Variants in EDAR observed in about 807,000 individuals in gnomAD.
EDAR encodes tumor necrosis factor receptor superfamily member EDAR.
A neutral mutation model predicts 51.3 loss-of-function variants in EDAR; 38 were observed. That is an observed-to-expected ratio of 0.74 (90% CI 0.57 to 0.97). EDAR has a LOEUF of 0.97. EDAR is among the 50% of genes least tolerant of loss of function. EDAR has a pLI of 0.00. For missense variants in EDAR, 528 were observed against 595.0 expected, an observed-to-expected ratio of 0.89 and a Z score of 1.17; for synonymous variants, 227 against 242.1, an observed-to-expected ratio of 0.94 and a Z score of 0.58.
chr2:108,973,281 C>CCTGGCCT lies in EDAR; in HGVS notation c.-19+15672_-19+15678dup, dbSNP rs370175082. ...GGGATTACAGGCATGAGCCACCGCA[C>CCTGGCCT]CTGGCCTCAGCATGTGTGTATAGTG... On this transcript the variant is annotated intron_variant, in intron 1 of 11. Coordinates refer to ENST00000258443, the MANE Select transcript of EDAR (RefSeq NM_022336.4). Among the ~76,000 whole-genome samples the CCTGGCCT allele has an allele frequency of 6.0e-3, 913 of 152,352 alleles. 6 individuals are homozygous for CCTGGCCT. Among genetic ancestry groups the CCTGGCCT allele is most frequent in the Non-Finnish European group, 0.01 (706 of 68,040 alleles).
intron 1 of EDAR, among the ~76,000 whole-genome samples, chr2:108,937,308 GTCCCTGCA>G (rs1697492272): frequency 6.6e-6 from 1 of 152,240 alleles, no homozygotes; most frequent in Non-Finnish European, 1.5e-5. Flanking sequence ...GGTGGGCTGT[GTCCCTGCA>G]TTCTCTCAGG....
In EDAR at chr2:108,910,510, C is replaced by G; in HGVS notation, c.753G>C (p.Glu251Asp). The change falls in exon 9 of 12, where the codon GAG (glutamate) becomes GAC (aspartate). Residue 251 changes from glutamate to aspartate, a missense_variant. Coordinates refer to ENST00000258443, the MANE Select transcript of EDAR (RefSeq NM_022336.4). ...EAPDNVVMFS[E>D]KDEFEKLTAT... The stretch of plus-strand genomic sequence containing the variant: ...CTGTCAGCTTCTCAAATTCATCCTT[C>G]TCGGAGAACATCACCACGTTGTCTG... The G allele has an allele frequency of 6.2e-7, 1 of 1,613,882 alleles. No homozygotes were observed. Among genetic ancestry groups the G allele is most frequent in the Non-Finnish European group, 8.5e-7 (1 of 1,179,888 alleles).
intron 1 of EDAR, among the ~76,000 whole-genome samples, chr2:108,938,666 A>T (rs1294327613): frequency 6.6e-6 from 1 of 152,210 alleles, no homozygotes; most frequent in African/African-American, 2.4e-5. Flanking sequence ...TGAAAAAAAA[A>T]ATCCCTACTT....
chr2:108,988,645 C>T (rs1411257438), intron 1 of EDAR, among the ~76,000 whole-genome samples: 5 of 152,258 alleles, frequency 3.3e-5, no homozygotes, highest in East Asian at 1.9e-4. Flanking sequence ...ATACTTTTCA[C>T]GCTCCCTGGA....
At chr2:108,987,593 T>C (rs1698518371) in intron 1 of EDAR, among the ~76,000 whole-genome samples, 1 of 152,204 alleles carries the variant, frequency 6.6e-6, no homozygotes, top group Admixed American at 6.5e-5. Flanking sequence ...GGAAAGTGTA[T>C]TTACTTTTTC....
At chr2:108,945,110 G>T (rs148887454) in intron 1 of EDAR, among the ~76,000 whole-genome samples, 4 of 152,138 alleles carry the variant, frequency 2.6e-5, no homozygotes, top group Non-Finnish European at 5.9e-5. Context: ...GTATGTGGGC[G>T]CTGCCTGTCC....
chr2:108,968,733 C>T (rs973290085), intron 1 of EDAR, among the ~76,000 whole-genome samples: 1 of 152,172 alleles, frequency 6.6e-6, no homozygotes, highest in Non-Finnish European at 1.5e-5. Context: ...GATGCTGATA[C>T]AAAAAGCCAT....
intron 1 of EDAR, among the ~76,000 whole-genome samples, chr2:108,957,082 G>A (rs972946851): frequency 7.2e-5 from 11 of 152,208 alleles, no homozygotes; most frequent in Non-Finnish European, 1.5e-4. Flanking sequence ...GAGCCGCCAC[G>A]CCCAGCCAAG....
At chr2:108,985,618 G>C (rs1698484914) in intron 1 of EDAR, among the ~76,000 whole-genome samples, 1 of 152,206 alleles carries the variant, frequency 6.6e-6, no homozygotes, top group Non-Finnish European at 1.5e-5. Flanking sequence ...CAAGGAAGCA[G>C]GACCTCCAGC....
At chr2:108,915,204 T>G (rs1697005139) in intron 5 of EDAR, among the ~76,000 whole-genome samples, 1 of 152,194 alleles carries the variant, frequency 6.6e-6, no homozygotes, top group Non-Finnish European at 1.5e-5. Flanking sequence ...AATCCATGCC[T>G]GGGCTGGCTG....
At chr2:108,961,333 C>A (rs1414661241) in intron 1 of EDAR, among the ~76,000 whole-genome samples, 1 of 152,162 alleles carries the variant, frequency 6.6e-6, no homozygotes, top group Non-Finnish European at 1.5e-5. Context: ...CCCCCAGGAC[C>A]CACCAGTCTA....
Position 108,929,388 on chromosome 2 carries a change from G to A in EDAR, c.175-9C>T, listed in dbSNP as rs1222774145. ...GTGCCGTAGCCACAGGACTGTCCAG[G>A]GAAAGAGGACAGGGGACACAGGTGA... On this transcript the variant is annotated splice_polypyrimidine_tract_variant and intron_variant, in intron 3 of 11. Coordinates refer to ENST00000258443, the MANE Select transcript of EDAR (RefSeq NM_022336.4). The A allele has an allele frequency of 2.5e-6, 4 of 1,613,836 alleles. No homozygotes were observed. The highest frequency in any genetic ancestry group is 3.4e-6 in the Non-Finnish European group (4 of 1,179,928).
At chr2:108,927,604 C>T (rs1196970423) in intron 4 of EDAR, among the ~76,000 whole-genome samples, 1 of 152,088 alleles carries the variant, frequency 6.6e-6, no homozygotes, top group Non-Finnish European at 1.5e-5. Flanking sequence ...CCGTGGTGCA[C>T]CCACCCTCTC....
intron 1 of EDAR, among the ~76,000 whole-genome samples, chr2:108,956,402 T>A (rs768813599): frequency 3.3e-5 from 5 of 152,210 alleles, no homozygotes; most frequent in Admixed American, 1.3e-4. Flanking sequence ...CTCCATTTGG[T>A]TTAGAATACT....
At position 108,923,471 on chromosome 2, in the gene EDAR, G is replaced by C. The variant is rs367605908; in HGVS notation, c.357-18C>G. On this transcript the variant is annotated intron_variant, in intron 4 of 11. Transcript: ENST00000258443. The stretch of plus-strand genomic sequence containing the variant: ...TGTAGTAGCTACGGGGGAGAGACAA[G>C]ACAAAACAGAGACAGGTGAGCTGGA... The C allele has an allele frequency of 3.0e-4, 484 of 1,612,040 alleles. 3 individuals carry two copies. In the South Asian group the frequency reaches 3.2e-3, roughly 11 times the overall value.
At chr2:108,903,223 A>G (rs1015652407) in intron 11 of EDAR, among the ~76,000 whole-genome samples, 3 of 152,204 alleles carry the variant, frequency 2.0e-5, no homozygotes, top group African/African-American at 7.2e-5. Flanking sequence ...CACAATGCAG[A>G]TGAAAAAAAA....
chr2:108,918,031 C>T (rs1235915132), intron 5 of EDAR, among the ~76,000 whole-genome samples: 1 of 152,072 alleles, frequency 6.6e-6, no homozygotes, highest in African/African-American at 2.4e-5. Context: ...ATTATTAGCG[C>T]ACCAGCATCA....
chr2:108,932,573 T>C (rs1419596401), intron 1 of EDAR, among the ~76,000 whole-genome samples: 1 of 145,906 alleles, frequency 6.9e-6, no homozygotes, highest in Non-Finnish European at 1.5e-5. Context: ...AAGAATTAAG[T>C]TGGAGAAGGA....
chr2:108,930,309 C>T, intron 2 of EDAR, 67 bp from the exon 3 acceptor site: 1 of 1,609,562 alleles, frequency 6.2e-7, no homozygotes, highest in Non-Finnish European at 8.5e-7. Flanking sequence ...CCTGCAAGAC[C>T]CCAAGGTTGA....
Sources: gnomAD v4.1 joint callset for allele counts (sites outside exome capture counted in the v4.1 genomes callset) on GRCh38, gnomAD v4.1.1 for gene constraint, MANE v1.5 for transcripts, NCBI Gene and HGNC (gene_info 2026-07-23, HGNC 2026-07-21) for gene names.